PTPRT: variants seen among roughly 807,000 people sequenced by gnomAD.
PTPRT encodes the protein protein tyrosine phosphatase receptor type T, also known as receptor-type tyrosine-protein phosphatase T.
A neutral mutation model predicts 176.8 loss-of-function variants in PTPRT; 56 were observed. The ratio of observed to expected loss-of-function variants is 0.32; its 90% confidence interval spans 0.26 to 0.40. PTPRT has a LOEUF of 0.40. Among genes scored for constraint, PTPRT ranks in the 10% least tolerant of loss-of-function variants. PTPRT has a pLI of 1.00. For missense variants in PTPRT, 1,540 were observed against 1,908.2 expected (o/e 0.81, Z 3.60); for synonymous variants, 783 against 739.0 (o/e 1.06, Z -0.96).
Position 42,922,820 on chromosome 20 carries a change from C to T in PTPRT, c.89-36888G>A, listed in dbSNP as rs116410688. ...ACGCACTGTAGTCTGTAATGCCCTT[C>T]ATGCCCTTATCTTTGTATGCAGGTG... On this transcript the variant is annotated intron_variant, in intron 1 of 30. Transcript: ENST00000373187. 2.1e-3 allele frequency among the ~76,000 whole-genome samples: 325 copies of T among 152,236 alleles called. 5 individuals are homozygous for T. Among genetic ancestry groups the T allele is most frequent in the South Asian group, 8.9e-3 (43 of 4,826 alleles).
At chr20:42,943,537 C>CG (rs1980700090) in intron 1 of PTPRT, among the ~76,000 whole-genome samples, 1 of 152,120 alleles carries the variant, frequency 6.6e-6, no homozygotes, top group African/African-American at 2.4e-5. Context: ...CACCCCTACC[C>CG]CCGAGTGGCT....
intron 15 of PTPRT, among the ~76,000 whole-genome samples, chr20:42,220,581 A>AAAGG (rs2146786465): frequency 1.1e-3 from 1 of 870 alleles, no homozygotes. Context: ...ACATTAATAA[A>AAAGG]AAGAATGGGG....
In PTPRT at chr20:42,199,592, C is replaced by T. The variant is rs562762608; in HGVS notation, c.2343-204G>A. On this transcript the variant is annotated intron_variant, in intron 15 of 30. Transcript: ENST00000373187. ...ACTCACGCTGCTGCCTCACCCCCGA[C>T]AATGCATGTGTTCTATGTTTGAGCC... Among the ~76,000 whole-genome samples, 420 of 152,296 alleles carry T rather than the reference C, an allele frequency of 2.8e-3. 2 individuals are homozygous for T. The highest frequency in any genetic ancestry group is 9.3e-3 in the African/African-American group (385 of 41,570).
intron 9 of PTPRT, among the ~76,000 whole-genome samples, chr20:42,432,987 TA>T (rs2059228726): frequency 6.6e-6 from 1 of 152,324 alleles, no homozygotes; most frequent in African/African-American, 2.4e-5. Context: ...TAAACCTTTT[TA>T]AAAGATTTTG....
intron 7 of PTPRT, among the ~76,000 whole-genome samples, chr20:42,543,362 A>G (rs1166967306): frequency 6.6e-6 from 1 of 152,210 alleles, no homozygotes; most frequent in Non-Finnish European, 1.5e-5. Context: ...TTCCATCTCA[A>G]GAAACCACTT....
intron 11 of PTPRT, among the ~76,000 whole-genome samples, chr20:42,319,492 A>G (rs1026240200): frequency 2.6e-5 from 4 of 152,100 alleles, no homozygotes; most frequent in African/African-American, 9.7e-5. Flanking sequence ...ATACCCAGCA[A>G]CTCCTTCAGG....
rs6124460 is a variant in PTPRT at position 42,452,065 on chromosome 20, T to C, written c.1451-3736A>G. Among the ~76,000 whole-genome samples, 419 of 151,970 alleles carry C rather than the reference T, an allele frequency of 2.8e-3. 2 individuals carry two copies. The highest frequency in any genetic ancestry group is 0.01 in the East Asian group (53 of 5,138). On this transcript the variant is annotated intron_variant, in intron 8 of 30. Coordinates refer to ENST00000373187, the MANE Select transcript of PTPRT (RefSeq NM_007050.6). ...GCGGGCAGATCACGAGATCAAGAGATTGAGACCATCCTGGCCAACATGGTG... is the reference window on the plus strand; with the variant it reads ...GCGGGCAGATCACGAGATCAAGAGACTGAGACCATCCTGGCCAACATGGTG...
chr20:42,370,445 C>T (rs547963389), intron 9 of PTPRT, among the ~76,000 whole-genome samples: 37 of 152,250 alleles, frequency 2.4e-4, no homozygotes, highest in Admixed American at 4.6e-4. Context: ...GGACGGGCTA[C>T]GTTTTTCCTT....
chr20:42,381,801 T>C (rs1190196101), intron 9 of PTPRT, among the ~76,000 whole-genome samples: 1 of 152,320 alleles, frequency 6.6e-6, no homozygotes, highest in Non-Finnish European at 1.5e-5. Flanking sequence ...GAAATAATGT[T>C]CATCTTTACT....
intron 2 of PTPRT, among the ~76,000 whole-genome samples, chr20:42,836,985 C>A (rs1258457622): frequency 6.6e-6 from 1 of 152,162 alleles, no homozygotes; most frequent in Non-Finnish European, 1.5e-5. Flanking sequence ...GGGATTTGAA[C>A]CCCAGCAGTC....
At chr20:42,646,153 G>T (rs2074893952) in intron 7 of PTPRT, among the ~76,000 whole-genome samples, 1 of 150,332 alleles carries the variant, frequency 6.7e-6, no homozygotes. Context: ...CTTGCTCCAG[G>T]CAATGCCCTC....
intron 7 of PTPRT, among the ~76,000 whole-genome samples, chr20:42,630,081 G>C (rs1213090663): frequency 6.6e-6 from 1 of 152,122 alleles, no homozygotes; most frequent in Admixed American, 6.5e-5. Context: ...TTTTGGGTGG[G>C]CTCAGTGTAA....
intron 7 of PTPRT, among the ~76,000 whole-genome samples, chr20:42,555,653 C>T (rs1233459124): frequency 2.0e-5 from 3 of 152,188 alleles, no homozygotes; most frequent in Non-Finnish European, 4.4e-5. Context: ...GAGGAGACCT[C>T]CTTGCCCCAG....
At position 42,077,382 on chromosome 20, in the gene PTPRT, T is replaced by G. The variant is rs1982879851; in HGVS notation, c.*3497A>C. On this transcript the variant is annotated 3_prime_UTR_variant, in exon 31 of 31. Coordinates refer to ENST00000373187, the MANE Select transcript of PTPRT (RefSeq NM_007050.6). ...CAGGTGGAGAAATTTCCTGGGCTTC[T>G]CATTACTTCCTTGCATCTTCCCCAA... The G allele has an allele frequency of 4.6e-6, 1 of 215,344 alleles. No individual in the cohort carries two copies. The highest frequency in any genetic ancestry group is 1.9e-4 in the South Asian group (1 of 5,390). The allele number at this position is 215,344 out of a possible 1,614,324, so 13.3% of individuals were successfully genotyped here.
chr20:42,429,326 G>A lies in PTPRT; in HGVS notation c.1560+18894C>T, dbSNP rs187089606. Among the ~76,000 whole-genome samples, 13 of 152,264 alleles carry A rather than the reference G, an allele frequency of 8.5e-5. No homozygotes were observed. In the South Asian group the frequency reaches 1.2e-3, roughly 15 times the overall value. ...GGCACTATTTACAACCCTGTGAGCC[G>A]GTTGAGAGAATCGGGGCAGAGGTAT... On this transcript the variant is annotated intron_variant, in intron 9 of 30. Coordinates refer to ENST00000373187, the MANE Select transcript of PTPRT (RefSeq NM_007050.6).
At chr20:42,614,017 T>A (rs2145832684) in intron 7 of PTPRT, among the ~76,000 whole-genome samples, 1 of 151,134 alleles carries the variant, frequency 6.6e-6, no homozygotes, top group African/African-American at 2.4e-5. Flanking sequence ...CAATAGGAAT[T>A]TATCATCCTA....
At chr20:42,888,449 A>G (rs1349437852) in intron 1 of PTPRT, among the ~76,000 whole-genome samples, 1 of 152,172 alleles carries the variant, frequency 6.6e-6, no homozygotes, top group Non-Finnish European at 1.5e-5. Flanking sequence ...CTGTCATGTA[A>G]TCCTCACAAA....
At chr20:42,128,125 A>T (rs998826205) in intron 19 of PTPRT, among the ~76,000 whole-genome samples, 1 of 152,142 alleles carries the variant, frequency 6.6e-6, no homozygotes, top group Non-Finnish European at 1.5e-5. Context: ...CAGTTGCTCC[A>T]TCTTGGCTTG....
intron 6 of PTPRT, among the ~76,000 whole-genome samples, chr20:42,735,373 G>C (rs1358606614): frequency 6.6e-6 from 1 of 152,030 alleles, no homozygotes; most frequent in African/African-American, 2.4e-5. Flanking sequence ...GGCATCCCAC[G>C]GAAAACTGAG....
Sources: gnomAD v4.1 joint callset for allele counts (sites outside exome capture counted in the v4.1 genomes callset) on GRCh38, gnomAD v4.1.1 for gene constraint, MANE v1.5 for transcripts, NCBI Gene and HGNC (gene_info 2026-07-23, HGNC 2026-07-21) for gene names.